Variants in PRRX2 observed in about 807,000 individuals in gnomAD.
PRRX2 encodes paired related homeobox 2, also known as paired mesoderm homeobox protein 2.
A neutral mutation model predicts 18.0 loss-of-function variants in PRRX2; 11 were observed. The ratio of observed to expected loss-of-function variants is 0.61; its 90% CI spans 0.39 to 1.01. The LOEUF is 1.01. Ranked by LOEUF, PRRX2 falls within the 50% of genes least tolerant of loss-of-function variation. The pLI, the probability that PRRX2 is intolerant of heterozygous loss-of-function variation, is 0.01. For missense variants in PRRX2, 387 were observed against 351.0 expected (o/e 1.10, Z -0.82); for synonymous variants, 177 against 154.8 (o/e 1.14, Z -1.06).
intron 1 of PRRX2, among the ~76,000 whole-genome samples, chr9:129,705,749 T>C (rs1025392111): frequency 3.5e-4 from 53 of 152,070 alleles, no homozygotes; most frequent in Non-Finnish European, 7.4e-5. Context: ...AGCCTGCTGC[T>C]GTGACCCGGC....
At chr9:129,681,770 G>A (rs759469951) in intron 1 of PRRX2, among the ~76,000 whole-genome samples, 10 of 152,084 alleles carry the variant, frequency 6.6e-5, no homozygotes, top group Non-Finnish European at 1.3e-4. Flanking sequence ...TGGGATGGGA[G>A]CCCCGGTGTG....
At chr9:129,702,276 T>C (rs978305523) in intron 1 of PRRX2, among the ~76,000 whole-genome samples, 1 of 151,222 alleles carries the variant, frequency 6.6e-6, no homozygotes, top group Non-Finnish European at 1.5e-5. Flanking sequence ...TGGGCGCCTG[T>C]AGTCCCAGCT....
chr9:129,691,047 G>A (rs1309777360), intron 1 of PRRX2, among the ~76,000 whole-genome samples: 1 of 151,746 alleles, frequency 6.6e-6, no homozygotes, highest in African/African-American at 2.4e-5. Context: ...ATTAAGGCCC[G>A]GACACAGTGG....
In PRRX2 at chr9:129,675,571, A is replaced by AG. The variant is rs1183012173; in HGVS notation, c.259+9450dup. ...TTGGGGATGGGGATCCACTGCCCCC[A>AG]GGGGGCGGCTGCCTTGCCCCAGACT... On this transcript the variant is annotated intron_variant, in intron 1 of 3. Coordinates refer to ENST00000372469, the MANE Select transcript of PRRX2 (RefSeq NM_016307.4). The surrounding 1 kb of genome is among the most constrained non-coding windows in gnomAD (Gnocchi z 4.4). Among the ~76,000 whole-genome samples, 1 of 147,134 alleles carries AG rather than the reference A, an allele frequency of 6.8e-6. No individual in the cohort carries two copies. The highest frequency in any genetic ancestry group is 1.5e-5 in the Non-Finnish European group (1 of 66,680).
At chr9:129,698,687 C>T (rs372682529) in intron 1 of PRRX2, among the ~76,000 whole-genome samples, 3 of 152,290 alleles carry the variant, frequency 2.0e-5, no homozygotes, top group South Asian at 2.1e-4. Flanking sequence ...TGGACGCCCC[C>T]TCACGTCACT....
At chr9:129,689,272 A>G (rs1478450374) in intron 1 of PRRX2, among the ~76,000 whole-genome samples, 3 of 152,168 alleles carry the variant, frequency 2.0e-5, no homozygotes, top group Non-Finnish European at 4.4e-5. Flanking sequence ...TGTGCAGGTC[A>G]CCATGCTCCC....
intron 1 of PRRX2, 29 bp from the exon 2 acceptor site, chr9:129,719,202 T>C: frequency 1.3e-6 from 2 of 1,525,196 alleles, no homozygotes; most frequent in Non-Finnish European, 1.8e-6. Flanking sequence ...GCCGTCCTGC[T>C]GACCATCCCG....
intron 1 of PRRX2, among the ~76,000 whole-genome samples, chr9:129,693,080 C>T (rs1277276229): frequency 6.6e-6 from 1 of 152,166 alleles, no homozygotes; most frequent in Non-Finnish European, 1.5e-5. Context: ...GTTCTGGATT[C>T]TGGGCATTCT....
In PRRX2 at chr9:129,719,404, G is replaced by A. The variant is rs202114136; in HGVS notation, c.433G>A (p.Glu145Lys). Residue 145 changes from glutamate (E) to lysine (K), a missense_variant, in exon 2 of 4, where the codon GAG (glutamate) becomes AAG (lysine). Physicochemically the swap from Glu to Lys is moderately conservative, Grantham distance 56. Transcript: ENST00000372469. ...GCTTGCCCGGCGCGTCAACCTCAGC[G>A]AGGCGCGCGTTCAGGTGAGCGCTCA... is the stretch of plus-strand genomic sequence containing the variant. Reference protein sequence around the residue: ...EELARRVNLSEARVQVWFQNR... With the variant: ...EELARRVNLSKARVQVWFQNR... 4 of 1,538,696 alleles carry A rather than the reference G, an allele frequency of 2.6e-6. No homozygotes were observed. The Admixed American group carries it at 6.0e-5, about 23-fold the overall frequency.
At chr9:129,684,747 AC>A (rs1033435999) in intron 1 of PRRX2, among the ~76,000 whole-genome samples, 1 of 152,146 alleles carries the variant, frequency 6.6e-6, no homozygotes, top group Admixed American at 6.5e-5. Flanking sequence ...AACAGAACTC[AC>A]GTTTATAAAG....
At position 129,709,043 on chromosome 9, in the gene PRRX2, G is replaced by A. The variant is rs752220270; in HGVS notation, c.260-10188G>A. Among the ~76,000 whole-genome samples the A allele has an allele frequency of 6.6e-6, 1 of 152,204 alleles. No individual in the cohort carries two copies. The highest frequency in any genetic ancestry group is 1.5e-5 in the Non-Finnish European group (1 of 68,032). On this transcript the variant is annotated intron_variant, in intron 1 of 3. Transcript: ENST00000372469. The surrounding 1 kb of genome is among the most constrained non-coding windows in gnomAD (Gnocchi z 4.2). ...AGGAGTCCATAACAAGGAGACCTGC[G>A]CTTGTATGGGAGCCGGGAAGGCCTC... is the stretch of plus-strand genomic sequence containing the variant.
At chr9:129,684,482 T>TA (rs1832274968) in intron 1 of PRRX2, among the ~76,000 whole-genome samples, 2 of 43,246 alleles carry the variant, frequency 4.6e-5, no homozygotes, top group South Asian at 8.5e-4. Flanking sequence ...ATACCAGAAA[T>TA]CACACACACA....
chr9:129,706,036 G>A (rs1346438253), intron 1 of PRRX2, among the ~76,000 whole-genome samples: 2 of 152,036 alleles, frequency 1.3e-5, no homozygotes, highest in Non-Finnish European at 2.9e-5. Flanking sequence ...GATATCCTTT[G>A]CTTGCCATTC....
intron 1 of PRRX2, among the ~76,000 whole-genome samples, chr9:129,699,439 A>ATATGTGTGTGTGTGTGTG (rs761152729): frequency 6.9e-6 from 1 of 145,504 alleles, no homozygotes; most frequent in African/African-American, 2.5e-5. Context: ...AAATATATAT[A>ATATGTGTGTGTGTGTGTG]TGTGTGTGTG....
At chr9:129,668,083 G>A (rs181358542) in intron 1 of PRRX2, among the ~76,000 whole-genome samples, 95 of 152,328 alleles carry the variant, frequency 6.2e-4, no homozygotes, top group African/African-American at 2.2e-3. Flanking sequence ...ATGGAGCCCT[G>A]GCAGGGAGAG....
intron 1 of PRRX2, among the ~76,000 whole-genome samples, chr9:129,687,194 C>T (rs1397297929): frequency 6.6e-6 from 1 of 152,110 alleles, no homozygotes; most frequent in Admixed American, 6.5e-5. Context: ...TCAAGACCAG[C>T]TTAGGCCACA....
intron 1 of PRRX2, among the ~76,000 whole-genome samples, chr9:129,670,243 A>C (rs1222579046): frequency 2.0e-5 from 3 of 151,824 alleles, no homozygotes; most frequent in African/African-American, 7.3e-5. Context: ...ATCTACAGAC[A>C]CGTGGGTTGT....
intron 1 of PRRX2, among the ~76,000 whole-genome samples, chr9:129,688,442 T>A (rs1364817327): frequency 6.6e-6 from 1 of 152,182 alleles, no homozygotes; most frequent in Non-Finnish European, 1.5e-5. Context: ...GACCTGTGTC[T>A]ACAGTGTGGT....
At position 129,719,311 on chromosome 9, in the gene PRRX2, A is replaced by C. The variant is rs762197918; in HGVS notation, c.340A>C (p.Ser114Arg). 1 of 1,610,512 alleles carries C rather than the reference A, an allele frequency of 6.2e-7. No individual in the cohort carries two copies. Among genetic ancestry groups the C allele is most frequent in the African/African-American group, 1.3e-5 (1 of 74,984 alleles). Reference protein sequence around the residue: ...QRRNRTTFNSSQLQALERVFE... With the variant: ...QRRNRTTFNSRQLQALERVFE... The stretch of plus-strand genomic sequence containing the variant: ...GCGGAACCGCACCACGTTCAACAGC[A>C]GCCAACTGCAGGCGCTGGAGCGCGT... Residue 114 changes from serine to arginine, a missense_variant, in exon 2 of 4, where the codon AGC (serine) becomes CGC (arginine). By Grantham distance (110) the Ser-to-Arg change is moderately radical. Transcript: ENST00000372469.
Sources: gnomAD v4.1 joint callset for allele counts (sites outside exome capture counted in the v4.1 genomes callset) on GRCh38, gnomAD v4.1.1 for gene constraint, Gnocchi (gnomAD v3.1) non-coding constraint, MANE v1.5 for transcripts, NCBI Gene and HGNC (gene_info 2026-07-23, HGNC 2026-07-21) for gene names.